The following SCN2A variants were observed in gnomAD, a reference collection of about 807,000 sequenced individuals.
SCN2A encodes sodium voltage-gated channel alpha subunit 2, also known as sodium channel protein type 2 subunit alpha.
SCN2A carries 20 observed loss-of-function variants against 188.7 expected under a neutral mutation model. The observed-to-expected ratio is 0.11, with a 90% CI of 0.07 to 0.15. The LOEUF (loss-of-function observed/expected upper bound fraction) is 0.15, where lower values mean the gene tolerates loss of function less well. SCN2A is among the 10% of genes least tolerant of loss of function. The pLI is 1.00. For synonymous variants in SCN2A, 804 were observed against 833.1 expected, an observed-to-expected ratio of 0.97 and a Z score of 0.60; for missense variants, 1,278 against 2,445.0, an observed-to-expected ratio of 0.52 and a Z score of 10.07.
chr2:165,340,701 T>A (rs117261613), intron 14 of SCN2A, among the ~76,000 whole-genome samples: 2 of 152,290 alleles, frequency 1.3e-5, no homozygotes, highest in South Asian at 2.1e-4. Context: ...GAGTTCTGAA[T>A]AAATCCAGTA....
In SCN2A at chr2:165,312,026, T is replaced by C. The variant is rs1340740655; in HGVS notation, c.972T>C (p.Ser324=). ...TTCTATTCCTTTCTCTTTAAATAGG[T>C]CACTTTTATTTTTTAGAGGGGCAAA... ...FNWDEYIEDK[S]HFYFLEGQND... The change falls in exon 8 of 27, where the codon AGT becomes AGC. Residue 324 remains serine, a splice_region_variant and synonymous_variant. Transcript: ENST00000375437. 3 of 1,608,836 alleles carry C rather than the reference T, an allele frequency of 1.9e-6. No homozygotes were observed. Among genetic ancestry groups the C allele is most frequent in the African/African-American group, 1.3e-5 (1 of 74,778 alleles).
intron 1 of SCN2A, among the ~76,000 whole-genome samples, chr2:165,292,148 G>T (rs1696247019): frequency 6.6e-6 from 1 of 152,114 alleles, no homozygotes; most frequent in African/African-American, 2.4e-5. Flanking sequence ...ATATGCCTAA[G>T]ACTAGCCCTG....
chr2:165,249,987 T>G (rs1191179117), intron 1 of SCN2A, among the ~76,000 whole-genome samples: 2 of 152,024 alleles, frequency 1.3e-5, no homozygotes, highest in Admixed American at 1.3e-4. Flanking sequence ...CAAATCTAAC[T>G]CAAACGTCAC....
intron 1 of SCN2A, among the ~76,000 whole-genome samples, chr2:165,240,659 C>CTGTGTGTG (rs35247335): frequency 0.11 from 14,698 of 136,268 alleles, 1,045 homozygotes; most frequent in Admixed American, 0.23. Context: ...GTGGAAAGAG[C>CTGTGTGTG]TGTGTGTGTG....
chr2:165,351,275 G>A (rs984917359), intron 16 of SCN2A, among the ~76,000 whole-genome samples: 3 of 152,026 alleles, frequency 2.0e-5, no homozygotes, highest in Non-Finnish European at 2.9e-5. Context: ...GTGTCACCAC[G>A]GGTAGATTGG....
intron 13 of SCN2A, among the ~76,000 whole-genome samples, chr2:165,328,986 C>CTTTTTTTTTTTTTTT (rs1269103949): frequency 3.4e-5 from 3 of 89,390 alleles, no homozygotes; most frequent in African/African-American, 8.7e-5. Flanking sequence ...TAAGATAGTC[C>CTTTTTTTTTTTTTTT]TTTTTTTTTT....
chr2:165,360,261 T>G (rs141206155), intron 17 of SCN2A, among the ~76,000 whole-genome samples: 7 of 152,140 alleles, frequency 4.6e-5, no homozygotes, highest in African/African-American at 1.7e-4. Context: ...TTGTGATTCA[T>G]TATTTTTGAA....
chr2:165,347,024 A>G (rs1330681248), intron 16 of SCN2A, among the ~76,000 whole-genome samples: 2 of 152,180 alleles, frequency 1.3e-5, no homozygotes, highest in Non-Finnish European at 2.9e-5. Flanking sequence ...CATTGTGGAA[A>G]ACAGTGTGGC....
chr2:165,367,326 C>T lies in SCN2A; in HGVS notation c.3630C>T (p.Phe1210=), dbSNP rs371422797. The T allele has an allele frequency of 4.3e-6, 7 of 1,613,990 alleles. No individual in the cohort carries two copies. Among genetic ancestry groups the T allele is most frequent in the East Asian group, 2.2e-5 (1 of 44,882 alleles). The part of the protein sequence containing the change: ...TCYKIVEHNW[F]ETFIVFMILL... Reference sequence around the variant, plus strand: ...ATAAGATAGTGGAGCACAATTGGTTCGAAACCTTCATTGTCTTCATGATTC... The same window carrying T: ...ATAAGATAGTGGAGCACAATTGGTTTGAAACCTTCATTGTCTTCATGATTC... Residue 1210 remains phenylalanine (F), a synonymous_variant, in exon 19 of 27, where the codon TTC becomes TTT. Transcript: ENST00000375437.
At chr2:165,290,201 A>G (rs1696034661) in intron 1 of SCN2A, among the ~76,000 whole-genome samples, 1 of 152,132 alleles carries the variant, frequency 6.6e-6, no homozygotes, top group Non-Finnish European at 1.5e-5. Flanking sequence ...TCAAACATTT[A>G]GCATTTCTTT....
At chr2:165,284,801 T>A (rs1467969674) in intron 1 of SCN2A, among the ~76,000 whole-genome samples, 5 of 152,226 alleles carry the variant, frequency 3.3e-5, no homozygotes, top group Non-Finnish European at 7.3e-5. Flanking sequence ...GTATAATCCA[T>A]CCATCAAAAC....
At chr2:165,298,141 T>G (rs780880952) in intron 3 of SCN2A, among the ~76,000 whole-genome samples, 3 of 152,194 alleles carry the variant, frequency 2.0e-5, no homozygotes, top group Non-Finnish European at 4.4e-5. Context: ...AAGCAAATCC[T>G]CAGATTAGGA....
intron 17 of SCN2A, among the ~76,000 whole-genome samples, chr2:165,359,225 A>G (rs183367852): frequency 6.6e-6 from 1 of 152,206 alleles, no homozygotes; most frequent in Admixed American, 6.6e-5. Context: ...AATTGTTTAC[A>G]GTTAAACACA....
At chr2:165,294,756 T>C (rs1216117236) in intron 1 of SCN2A, among the ~76,000 whole-genome samples, 1 of 152,220 alleles carries the variant, frequency 6.6e-6, no homozygotes, top group Non-Finnish European at 1.5e-5. Flanking sequence ...GAATGACTGA[T>C]GTGCTCTTTT....
Position 165,313,758 on chromosome 2 carries a change from A to G in SCN2A, c.1173A>G (p.Gln391=). The change falls in exon 9 of 27, where the codon CAA becomes CAG. Residue 391 remains glutamine, a synonymous_variant. Coordinates refer to ENST00000375437, the MANE Select transcript of SCN2A (RefSeq NM_001040142.2). ...MTQDFWENLY[Q]LTLRAAGKTY... is the part of the protein sequence containing the mutation. ...AAGACTTCTGGGAAAACCTTTATCA[A>G]CTGGTGAGAACAGATAAAATCATTT... 3 of 1,613,666 alleles carry G rather than the reference A, an allele frequency of 1.9e-6. No homozygotes were observed. The highest frequency in any genetic ancestry group is 2.5e-6 in the Non-Finnish European group (3 of 1,179,648).
chr2:165,323,571 T>C, intron 12 of SCN2A, 71 bp downstream of exon 12: 2 of 1,388,608 alleles, frequency 1.4e-6, no homozygotes, highest in Non-Finnish European at 2.0e-6. Context: ...GTTTTTCCAT[T>C]TCCACATCTA....
intron 16 of SCN2A, among the ~76,000 whole-genome samples, chr2:165,352,199 C>A (rs1699956110): frequency 6.6e-6 from 1 of 150,886 alleles, no homozygotes. Flanking sequence ...TTTTTTAATC[C>A]AAATAATAAG....
At chr2:165,291,545 C>T (rs1323980498) in intron 1 of SCN2A, among the ~76,000 whole-genome samples, 48 of 99,622 alleles carry the variant, frequency 4.8e-4, no homozygotes, top group East Asian at 2.6e-3. Flanking sequence ...TCCTTCCTTC[C>T]TTCCTTCCTT....
intron 1 of SCN2A, chr2:165,269,546 A>G (rs1002101289): frequency 6.6e-6 from 1 of 152,158 alleles, no homozygotes; most frequent in Non-Finnish European, 1.5e-5. Context: ...TATTGTGAAG[A>G]TTGAATTAAT....
Sources: allele counts gnomAD v4.1 joint callset (sites outside exome capture counted in the v4.1 genomes callset), GRCh38; gene constraint gnomAD v4.1.1; transcripts MANE v1.5; gene names NCBI Gene and HGNC (gene_info 2026-07-23, HGNC 2026-07-21).